Variants in SPAG9 observed in about 807,000 individuals in gnomAD.
The protein encoded by SPAG9 is sperm associated antigen 9.
A neutral mutation model predicts 166.5 loss-of-function variants in SPAG9; 35 were observed. The observed-to-expected ratio is 0.21, with a 90% CI of 0.16 to 0.28. The LOEUF is 0.28. Ranked by LOEUF, SPAG9 falls within the 10% of genes least tolerant of loss-of-function variation. The pLI, the probability that SPAG9 is intolerant of heterozygous loss-of-function variation, is 1.00. For synonymous variants in SPAG9, 534 were observed against 565.5 expected (o/e 0.94, Z 0.79); for missense variants, 1,235 against 1,603.3 (o/e 0.77, Z 3.92).
At chr17:51,088,980 C>CA (rs2048374080) in intron 1 of SPAG9, among the ~76,000 whole-genome samples, 1 of 151,972 alleles carries the variant, frequency 6.6e-6, no homozygotes, top group Non-Finnish European at 1.5e-5. Flanking sequence ...GTAGTCCCAG[C>CA]TACTCGGAAG....
At chr17:51,020,977 CA>C (rs879868360) in intron 7 of SPAG9, among the ~76,000 whole-genome samples, 180 bp downstream of exon 7, 3 of 152,022 alleles carry the variant, frequency 2.0e-5, no homozygotes, top group African/African-American at 4.8e-5. Context: ...GCACAGCTAT[CA>C]TTTTTTTTTC....
intron 5 of SPAG9, among the ~76,000 whole-genome samples, chr17:51,033,146 C>T (rs549208485): frequency 6.7e-4 from 102 of 151,560 alleles, no homozygotes; most frequent in Middle Eastern, 6.8e-3. Context: ...ATATCTAGCA[C>T]GTCATACTTT....
intron 6 of SPAG9, among the ~76,000 whole-genome samples, chr17:51,028,007 T>C (rs934084197): frequency 2.8e-4 from 42 of 151,474 alleles, no homozygotes; most frequent in African/African-American, 1.0e-3. Flanking sequence ...CCTGACCCTG[T>C]GTAGGCCAAG....
rs752663833 is a variant in SPAG9, at chr17:50,970,797, C to G, written c.3760G>C (p.Gly1254Arg). 88 of 1,614,006 alleles carry G rather than the reference C, an allele frequency of 5.5e-5. No homozygotes were observed. Among genetic ancestry groups the G allele is most frequent in the Non-Finnish European group, 7.3e-5 (86 of 1,180,002 alleles). ...CTACCAGGCTCCTGTGCAGATGGCCCTGCTTTGTCACCCGTCAGATCCGTG... is the reference window on the plus strand; with the variant it reads ...CTACCAGGCTCCTGTGCAGATGGCCGTGCTTTGTCACCCGTCAGATCCGTG... ...SGTDLTGDKA[G>R]PSAQEPGSQT... Residue 1254 changes from glycine to arginine, a missense_variant, in exon 29 of 30, where the codon GGG (glycine) becomes CGG (arginine). This residue lies in a region of SPAG9 where 243 missense variants were observed against 358.6 expected (regional missense o/e 0.68). Transcript: ENST00000262013.
rs1358879209 is a variant in SPAG9, at chr17:51,037,704, G to A, written c.741+3797C>T. Among the ~76,000 whole-genome samples the A allele has an allele frequency of 1.3e-3, 143 of 110,260 alleles. 2 individuals are homozygous for A. The highest frequency in any genetic ancestry group is 4.1e-3 in the African/African-American group (138 of 33,814). The allele number at this position is 110,260 out of a possible 152,430, so 72.3% of individuals were successfully genotyped here. ...ATATATAGTGTGTGTGTGTGTGTGT[G>A]TGTGTGTGTGTGTGTGTATAAACAT... On this transcript the variant is annotated intron_variant, in intron 5 of 29. Transcript: ENST00000262013.
At position 50,975,932 on chromosome 17, in the gene SPAG9, G is replaced by C. The variant is rs1166725327; in HGVS notation, c.3524-985C>G. 6 of 1,512,694 alleles carry C rather than the reference G, an allele frequency of 4.0e-6. No individual in the cohort carries two copies. The East Asian group carries it at 1.5e-4, about 37-fold the overall frequency. The allele number at this position is 1,512,694 out of a possible 1,614,324, so 93.7% of individuals were successfully genotyped here. On this transcript the variant is annotated intron_variant, in intron 27 of 29. Coordinates refer to ENST00000262013, the MANE Select transcript of SPAG9 (RefSeq NM_001130528.3). Reference sequence around the variant, plus strand: ...GTGAGAAAGGAGGAAAGGGGACATGGAGAGGTGCATGACAGGGAGGAGAGA... The same window carrying C: ...GTGAGAAAGGAGGAAAGGGGACATGCAGAGGTGCATGACAGGGAGGAGAGA...
At chr17:50,980,979 G>A (rs957443165) in intron 25 of SPAG9, among the ~76,000 whole-genome samples, 1 of 152,140 alleles carries the variant, frequency 6.6e-6, no homozygotes, top group East Asian at 1.9e-4. Flanking sequence ...TCTATCCTGG[G>A]TGACAGAGTG....
chr17:51,005,723 C>T (rs1032289355), intron 11 of SPAG9, among the ~76,000 whole-genome samples: 3 of 152,192 alleles, frequency 2.0e-5, no homozygotes, highest in Non-Finnish European at 4.4e-5. Flanking sequence ...TGGTGGCAGG[C>T]ACCTACAATC....
rs2045705934 is a variant in SPAG9, at chr17:51,016,580, G to A, written c.1092-2227C>T. 3.9e-5 allele frequency among the ~76,000 whole-genome samples: 6 copies of A among 152,340 alleles called. No individual in the cohort carries two copies. In the South Asian group the frequency reaches 1.2e-3, roughly 32 times the overall value. On this transcript the variant is annotated intron_variant, in intron 8 of 29. Transcript: ENST00000262013. The stretch of plus-strand genomic sequence containing the variant: ...AAGGAAAAGAAACAAAATAACCCAA[G>A]GCTTTATTAATTTCAGAAGAACAAA...
intron 1 of SPAG9, among the ~76,000 whole-genome samples, chr17:51,112,550 A>G (rs570508053): frequency 1.6e-4 from 25 of 151,596 alleles, no homozygotes; most frequent in African/African-American, 5.6e-4. Context: ...GCGCGCCTGT[A>G]GTCCCAGCTA....
chr17:51,089,261 T>C (rs1598159506), intron 1 of SPAG9, among the ~76,000 whole-genome samples: 1 of 151,082 alleles, frequency 6.6e-6, no homozygotes, highest in Non-Finnish European at 1.5e-5. Context: ...CTGTCTCTAC[T>C]AAAAATACAA....
chr17:51,077,093 T>TCTAGCTAGCTATCTAG (rs879689153), intron 2 of SPAG9, among the ~76,000 whole-genome samples: 54 of 56,102 alleles, frequency 9.6e-4, no homozygotes, highest in African/African-American at 2.5e-3. Flanking sequence ...TAGCTAGCTA[T>TCTAGCTAGCTATCTAG]CTATCTAGCT....
chr17:51,063,273 G>T (rs1292164728), intron 2 of SPAG9, among the ~76,000 whole-genome samples: 1 of 151,962 alleles, frequency 6.6e-6, no homozygotes, highest in Non-Finnish European at 1.5e-5. Context: ...TTAGCTGGGC[G>T]TGGTGGTGCA....
intron 13 of SPAG9, among the ~76,000 whole-genome samples, chr17:51,001,219 T>C (rs746298705): frequency 2.0e-5 from 3 of 152,170 alleles, no homozygotes; most frequent in African/African-American, 4.8e-5. Context: ...GAAACACTAT[T>C]ACTGAGACTA....
intron 25 of SPAG9, among the ~76,000 whole-genome samples, chr17:50,982,231 T>C (rs560810417): frequency 6.6e-5 from 10 of 152,198 alleles, no homozygotes; most frequent in Middle Eastern, 3.4e-3. Flanking sequence ...AAAAGAACCA[T>C]GTATTCAAAC....
chr17:51,067,976 C>T (rs1466604082), intron 2 of SPAG9, among the ~76,000 whole-genome samples: 1 of 152,220 alleles, frequency 6.6e-6, no homozygotes, highest in African/African-American at 2.4e-5. Flanking sequence ...CACCTTCCAT[C>T]TCTGTTGTCT....
chr17:51,023,979 AG>A (rs2046051581), intron 6 of SPAG9, among the ~76,000 whole-genome samples: 1 of 152,194 alleles, frequency 6.6e-6, no homozygotes, highest in Admixed American at 6.5e-5. Flanking sequence ...TTTTCTAAAT[AG>A]AAAATTTGAA....
At chr17:51,089,666 A>ATG (rs2048412239) in intron 1 of SPAG9, among the ~76,000 whole-genome samples, 1 of 75,888 alleles carries the variant, frequency 1.3e-5, no homozygotes, top group Non-Finnish European at 3.2e-5. Flanking sequence ...ATATATATAC[A>ATG]CATACACACA....
At chr17:51,047,188 T>C (rs2047049367) in intron 4 of SPAG9, among the ~76,000 whole-genome samples, 187 bp downstream of exon 4, 1 of 152,248 alleles carries the variant, frequency 6.6e-6, no homozygotes, top group Non-Finnish European at 1.5e-5. Flanking sequence ...GCTCATAATT[T>C]ATCTTTTTAA....
Sources: allele counts gnomAD v4.1 joint callset (sites outside exome capture counted in the v4.1 genomes callset), GRCh38; gene constraint gnomAD v4.1.1; regional missense constraint gnomAD v4.1.1; transcripts MANE v1.5; gene names NCBI Gene and HGNC (gene_info 2026-07-23, HGNC 2026-07-21).